The following CCDC102B variants were observed in gnomAD, a reference collection of about 807,000 sequenced individuals.
The protein encoded by CCDC102B is coiled-coil domain containing 102B, also known as coiled-coil domain-containing protein 102B.
Under a neutral mutation model 57.4 loss-of-function variants are expected in CCDC102B, and 75 were observed. The observed-to-expected ratio is 1.31, with a 90% CI of 1.08 to 1.58. CCDC102B has a LOEUF of 1.58. CCDC102B is among the 40% of genes most tolerant of loss of function. CCDC102B has a pLI of 0.00. For synonymous variants in CCDC102B, 206 were observed against 201.9 expected (o/e 1.02, Z -0.17); for missense variants, 636 against 582.6 (o/e 1.09, Z -0.94).
chr18:69,043,300 C>G (rs1200606247), intron 7 of CCDC102B, among the ~76,000 whole-genome samples: 1 of 152,074 alleles, frequency 6.6e-6, no homozygotes, highest in Non-Finnish European at 1.5e-5. Context: ...CGGAGACATT[C>G]CATTGCCCAG....
At chr18:68,833,361 T>G (rs2037224960) in intron 1 of CCDC102B, among the ~76,000 whole-genome samples, 1 of 147,894 alleles carries the variant, frequency 6.8e-6, no homozygotes, top group African/African-American at 2.5e-5. Flanking sequence ...TTTGTAAATT[T>G]CATTTTTCCT....
chr18:68,945,325 T>C (rs1205698895), intron 6 of CCDC102B, among the ~76,000 whole-genome samples: 3 of 152,058 alleles, frequency 2.0e-5, no homozygotes, highest in Non-Finnish European at 2.9e-5. Flanking sequence ...GCATTGTAAG[T>C]TCTCATCAAA....
At chr18:68,797,412 A>ATC (rs1303404166), upstream of CCDC102B, among the ~76,000 whole-genome samples, 2 of 151,562 alleles carry the variant, frequency 1.3e-5, no homozygotes, top group Non-Finnish European at 2.9e-5. Flanking sequence ...TTTTTATGTG[A>ATC]TCTCTCGCCT....
chr18:68,818,333 A>G (rs1374946873), intron 1 of CCDC102B, among the ~76,000 whole-genome samples: 1 of 152,228 alleles, frequency 6.6e-6, no homozygotes, highest in African/African-American at 2.4e-5. Flanking sequence ...TTGGAAAGAC[A>G]TAGTATTTGT....
At chr18:68,773,277 G>A (rs557808427) in intron 2 of CCDC102B, among the ~76,000 whole-genome samples, 1 of 152,164 alleles carries the variant, frequency 6.6e-6, no homozygotes, top group Non-Finnish European at 1.5e-5. Context: ...ATGTGTCTGA[G>A]TGAAATAGTA....
At chr18:68,890,765 C>A (rs1157229721) in intron 5 of CCDC102B, among the ~76,000 whole-genome samples, 1 of 152,104 alleles carries the variant, frequency 6.6e-6, no homozygotes, top group African/African-American at 2.4e-5. Context: ...TTCATAGTGT[C>A]TCATCTATTG....
intron 6 of CCDC102B, among the ~76,000 whole-genome samples, chr18:68,919,631 G>A (rs574799749): frequency 5.4e-4 from 82 of 152,246 alleles, no homozygotes; most frequent in African/African-American, 1.9e-3. Context: ...TACACAGTAT[G>A]AACTTGAACT....
chr18:68,919,328 C>T (rs183047367), intron 6 of CCDC102B, among the ~76,000 whole-genome samples: 80 of 152,212 alleles, frequency 5.3e-4, no homozygotes, highest in Non-Finnish European at 9.1e-4. Flanking sequence ...ATATTGACCA[C>T]ATTTGTAATC....
intron 6 of CCDC102B, among the ~76,000 whole-genome samples, chr18:68,927,453 T>C (rs111659897): frequency 1.2e-3 from 187 of 152,016 alleles, no homozygotes; most frequent in Non-Finnish European, 7.5e-4. Flanking sequence ...TAACAGTCAA[T>C]AGTTTTTACC....
At chr18:68,991,299 G>T (rs902308024) in intron 6 of CCDC102B, among the ~76,000 whole-genome samples, 2 of 152,172 alleles carry the variant, frequency 1.3e-5, no homozygotes, top group African/African-American at 4.8e-5. Context: ...TATACAAGGG[G>T]TTGCCTGGGG....
At chr18:68,750,461 A>G (rs531985919) in intron 2 of CCDC102B, among the ~76,000 whole-genome samples, 9 of 152,348 alleles carry the variant, frequency 5.9e-5, no homozygotes, top group African/African-American at 2.2e-4. Context: ...CCAAAGGATT[A>G]TAAATCATGC....
intron 1 of CCDC102B, among the ~76,000 whole-genome samples, chr18:68,799,464 A>G (rs2035765152): frequency 6.6e-6 from 1 of 152,110 alleles, no homozygotes; most frequent in Non-Finnish European, 1.5e-5. Context: ...TAATTTATGA[A>G]TGTTTCATCT....
At chr18:69,008,241 A>G (rs146258436) in intron 6 of CCDC102B, among the ~76,000 whole-genome samples, 1 of 152,202 alleles carries the variant, frequency 6.6e-6, no homozygotes, top group Non-Finnish European at 1.5e-5. Context: ...AGAACTTGAC[A>G]TTTGAAAATT....
intron 6 of CCDC102B, among the ~76,000 whole-genome samples, chr18:68,943,745 G>A (rs1019739899): frequency 6.6e-6 from 1 of 152,116 alleles, no homozygotes; most frequent in African/African-American, 2.4e-5. Context: ...ATTTAAGCCG[G>A]CGGCCAAAGA....
At position 68,765,324 on chromosome 18, in the gene CCDC102B, G is replaced by GGAAAGAAAGAAAGAAA. The variant is rs1298584705; in HGVS notation, c.-67+48771_-67+48786dup. On this transcript the variant is annotated intron_variant, in intron 2 of 3. Transcript: ENST00000578970. ...AGGAAGGAAGGAAGGAAGGAAGGAA[G>GGAAAGAAAGAAAGAAA]GAAAGAAAGAAAGAAAGAAAGAAAG... Among the ~76,000 whole-genome samples, 233 of 60,376 alleles carry GGAAAGAAAGAAAGAAA rather than the reference G, an allele frequency of 3.9e-3. 2 individuals carry two copies. Among genetic ancestry groups the GGAAAGAAAGAAAGAAA allele is most frequent in the Non-Finnish European group, 4.4e-3 (131 of 29,674 alleles). The allele number at this position is 60,376 out of a possible 152,430, so 39.6% of individuals were successfully genotyped here.
chr18:68,739,843 G>C (rs192115716), intron 2 of CCDC102B, among the ~76,000 whole-genome samples: 106 of 152,278 alleles, frequency 7.0e-4, no homozygotes, highest in African/African-American at 2.2e-3. Context: ...AGATGGCCCA[G>C]GTAGTAGGAT....
intron 2 of CCDC102B, among the ~76,000 whole-genome samples, chr18:68,729,023 C>T (rs914162019): frequency 1.3e-5 from 2 of 151,408 alleles, no homozygotes; most frequent in African/African-American, 4.9e-5. Context: ...AAAGGTTTAC[C>T]AAAGTAGCTA....
In CCDC102B at chr18:68,846,398, T is replaced by C; in HGVS notation, c.913T>C (p.Ser305Pro). The change falls in exon 4 of 8, where the codon TCA (serine) becomes CCA (proline). Residue 305 changes from serine (S) to proline (P), a missense_variant. Ser to Pro is a moderately conservative substitution (Grantham distance 74, BLOSUM62 -1). Coordinates refer to ENST00000360242, the MANE Select transcript of CCDC102B (RefSeq NM_024781.3). ...WKWKYEELKESKPKNVKEFDI... is the reference protein window; with the variant it reads ...WKWKYEELKEPKPKNVKEFDI... ...GTGGAAGTATGAAGAACTGAAAGAA[T>C]CAAAGCCAAAAAATGTGAAAGAGGT... The C allele has an allele frequency of 6.3e-7, 1 of 1,583,666 alleles. No homozygotes were observed.
At chr18:69,040,277 G>T (rs895661673) in intron 7 of CCDC102B, among the ~76,000 whole-genome samples, 4 of 151,664 alleles carry the variant, frequency 2.6e-5, no homozygotes, top group African/African-American at 7.3e-5. Flanking sequence ...TTATATGAAA[G>T]CTCATGAGTG....
Sources: gnomAD v4.1 joint callset for allele counts (sites outside exome capture counted in the v4.1 genomes callset) on GRCh38, gnomAD v4.1.1 for gene constraint, MANE v1.5 for transcripts, NCBI Gene and HGNC (gene_info 2026-07-23, HGNC 2026-07-21) for gene names.